PTPRD: variants seen among roughly 807,000 people sequenced by gnomAD.
The protein encoded by PTPRD is receptor-type tyrosine-protein phosphatase delta.
PTPRD carries 34 observed loss-of-function variants against 214.5 expected under a neutral mutation model. The observed-to-expected ratio is 0.16, with a 90% CI of 0.12 to 0.21. The LOEUF (loss-of-function observed/expected upper bound fraction) is 0.21, where lower values mean the gene tolerates loss of function less well. Among genes scored for constraint, PTPRD ranks in the 10% least tolerant of loss-of-function variants. PTPRD has a pLI of 1.00. For missense variants in PTPRD, 2,545 were observed against 2,398.7 expected, an observed-to-expected ratio of 1.06 and a Z score of -1.27; for synonymous variants, 1,128 against 845.7, an observed-to-expected ratio of 1.33 and a Z score of -5.79.
At chr9:9,913,566 A>C (rs2079833854) in intron 5 of PTPRD, among the ~76,000 whole-genome samples, 1 of 152,136 alleles carries the variant, frequency 6.6e-6, no homozygotes, top group Non-Finnish European at 1.5e-5. Context: ...CTGGAAATTC[A>C]GGAGGGCAGC....
chr9:10,231,977 A>AGT (rs1564677056), intron 3 of PTPRD, among the ~76,000 whole-genome samples: 5 of 121,536 alleles, frequency 4.1e-5, no homozygotes, highest in Admixed American at 1.7e-4. Flanking sequence ...AGAGAGAGAG[A>AGT]GAGAGAGAGA....
rs562250276 is a variant in PTPRD, at chr9:9,060,956, G to A, written c.-142-42221C>T. Among the ~76,000 whole-genome samples the A allele has an allele frequency of 3.9e-5, 6 of 152,298 alleles. No homozygotes were observed. In the East Asian group the frequency reaches 1.2e-3, roughly 29 times the overall value. Reference sequence around the variant, plus strand: ...ATGACTGACAGCTACTTGCAGCACTGTGGAATCTCACAATCAGAATGCTTA... The same window carrying A: ...ATGACTGACAGCTACTTGCAGCACTATGGAATCTCACAATCAGAATGCTTA... On this transcript the variant is annotated intron_variant, in intron 10 of 45. Coordinates refer to ENST00000381196, the MANE Select transcript of PTPRD (RefSeq NM_002839.4).
intron 6 of PTPRD, among the ~76,000 whole-genome samples, chr9:9,754,291 G>T (rs1048478176): frequency 6.6e-6 from 1 of 151,994 alleles, no homozygotes; most frequent in Non-Finnish European, 1.5e-5. Context: ...TACACGCCCC[G>T]TAATGAAGAA....
chr9:9,736,965 TGTGTCCTG>T (rs1564869956), intron 6 of PTPRD, among the ~76,000 whole-genome samples: 1 of 152,076 alleles, frequency 6.6e-6, no homozygotes, highest in Non-Finnish European at 1.5e-5. Context: ...TCTTTACTTA[TGTGTCCTG>T]TTTATTACAT....
intron 10 of PTPRD, among the ~76,000 whole-genome samples, chr9:9,073,659 G>T (rs1474971517): frequency 6.6e-6 from 1 of 152,250 alleles, no homozygotes; most frequent in Non-Finnish European, 1.5e-5. Context: ...ACTCTTAACT[G>T]CACCTCCAGC....
chr9:10,540,842 T>C (rs2135264900), intron 2 of PTPRD, among the ~76,000 whole-genome samples: 1 of 152,302 alleles, frequency 6.6e-6, no homozygotes, highest in East Asian at 1.9e-4. Context: ...ATCATAAAAC[T>C]ACTCTGCAGT....
At chr9:8,947,407 G>A (rs1463095552) in intron 11 of PTPRD, among the ~76,000 whole-genome samples, 1 of 146,596 alleles carries the variant, frequency 6.8e-6, no homozygotes, top group African/African-American at 2.5e-5. Flanking sequence ...AGCTTGCTGT[G>A]AGCTGAGATC....
chr9:10,045,093 T>C (rs980919418), intron 3 of PTPRD, among the ~76,000 whole-genome samples: 1 of 151,722 alleles, frequency 6.6e-6, no homozygotes, highest in African/African-American at 2.4e-5. Context: ...GAGGTCAAAA[T>C]GAGGTCTGGT....
chr9:10,250,667 A>G (rs1195909711), intron 3 of PTPRD, among the ~76,000 whole-genome samples: 1 of 152,066 alleles, frequency 6.6e-6, no homozygotes, highest in African/African-American at 2.4e-5. Context: ...GAAAAAATAG[A>G]TAATTTTTTA....
At chr9:9,830,399 A>T (rs1161471636) in intron 5 of PTPRD, among the ~76,000 whole-genome samples, 1 of 151,814 alleles carries the variant, frequency 6.6e-6, no homozygotes, top group African/African-American at 2.4e-5. Flanking sequence ...ATATTTGTTA[A>T]ATGGGGTGAA....
At chr9:9,830,209 T>A (rs757651535) in intron 5 of PTPRD, among the ~76,000 whole-genome samples, 10 of 151,876 alleles carry the variant, frequency 6.6e-5, no homozygotes, top group Admixed American at 1.3e-4. Context: ...ATCAAATATT[T>A]TTAAAAAGTT....
intron 14 of PTPRD, among the ~76,000 whole-genome samples, chr9:8,620,382 T>C (rs10758985): frequency 0.54 from 82,723 of 151,814 alleles, 22,768 homozygotes; most frequent in East Asian, 0.72. Context: ...TCATGGAGAA[T>C]CAGTTCAGAA....
At chr9:8,488,490 A>G (rs1430558263) in intron 27 of PTPRD, among the ~76,000 whole-genome samples, 1 of 152,210 alleles carries the variant, frequency 6.6e-6, no homozygotes, top group Non-Finnish European at 1.5e-5. Context: ...GTATATATAA[A>G]ACATGTGTGT....
intron 9 of PTPRD, among the ~76,000 whole-genome samples, chr9:9,210,103 A>G (rs774573392): frequency 2.0e-5 from 3 of 152,184 alleles, no homozygotes; most frequent in Non-Finnish European, 4.4e-5. Flanking sequence ...ACAGTAAAAT[A>G]CTTGCCCTTT....
At chr9:8,904,648 G>A (rs2098695100) in intron 11 of PTPRD, among the ~76,000 whole-genome samples, 2 of 149,738 alleles carry the variant, frequency 1.3e-5, no homozygotes, top group South Asian at 4.2e-4. Context: ...CTCCAGCCTG[G>A]GTAGCAGAGG....
chr9:10,214,076 A>C (rs1214327318), intron 3 of PTPRD, among the ~76,000 whole-genome samples: 1 of 152,094 alleles, frequency 6.6e-6, no homozygotes, highest in Non-Finnish European at 1.5e-5. Flanking sequence ...TAAAAGAAGG[A>C]CATTTTACAC....
intron 27 of PTPRD, 85 bp downstream of exon 27, chr9:8,492,777 T>A: frequency 1.1e-6 from 1 of 914,824 alleles, no homozygotes. Context: ...GATTTTACTA[T>A]AATAAAAGCC....
intron 10 of PTPRD, among the ~76,000 whole-genome samples, chr9:9,057,279 A>T (rs766220250): frequency 6.6e-6 from 1 of 152,200 alleles, no homozygotes; most frequent in Non-Finnish European, 1.5e-5. Context: ...AGGGACTGTC[A>T]GTCTTGGCAA....
At chr9:9,969,683 C>A (rs2094956760) in intron 4 of PTPRD, among the ~76,000 whole-genome samples, 1 of 152,166 alleles carries the variant, frequency 6.6e-6, no homozygotes, top group Non-Finnish European at 1.5e-5. Context: ...CTTCTACTGC[C>A]CCTGGATGAC....
Sources: allele counts gnomAD v4.1 joint callset (sites outside exome capture counted in the v4.1 genomes callset), GRCh38; gene constraint gnomAD v4.1.1; transcripts MANE v1.5; gene names NCBI Gene and HGNC (gene_info 2026-07-23, HGNC 2026-07-21).